The following STAMBP variants were observed in gnomAD, a reference collection of about 807,000 sequenced individuals.
STAMBP encodes the protein STAM-binding protein.
STAMBP carries 31 observed loss-of-function variants against 50.7 expected under a neutral mutation model. The ratio of observed to expected loss-of-function variants is 0.61; its 90% CI spans 0.46 to 0.83. The LOEUF is 0.83. Ranked by LOEUF, STAMBP falls within the 40% of genes least tolerant of loss-of-function variation. The pLI is 0.00. For missense variants in STAMBP, 472 were observed against 518.9 expected (o/e 0.91, Z 0.88); for synonymous variants, 211 against 192.4 (o/e 1.10, Z -0.80).
intron 7 of STAMBP, among the ~76,000 whole-genome samples, chr2:73,856,471 A>G (rs1162788062): frequency 6.6e-6 from 1 of 152,242 alleles, no homozygotes; most frequent in Non-Finnish European, 1.5e-5. Context: ...ATAAGTCTTG[A>G]TGGTCAGTTA....
At chr2:73,832,619 C>T (rs1250772014) in intron 2 of STAMBP, among the ~76,000 whole-genome samples, 1 of 152,180 alleles carries the variant, frequency 6.6e-6, no homozygotes, top group Non-Finnish European at 1.5e-5. Flanking sequence ...ATCACATACT[C>T]CTCTAAAGCA....
At chr2:73,861,686 A>T (rs1178254702) in intron 9 of STAMBP, among the ~76,000 whole-genome samples, 9 of 126,666 alleles carry the variant, frequency 7.1e-5, no homozygotes, top group East Asian at 4.4e-4. Flanking sequence ...ACCGGGTTAA[A>T]TTTTTTTTTT....
chr2:73,860,272 A>G, intron 9 of STAMBP, 121 bp downstream of exon 9: 1 of 770,986 alleles, frequency 1.3e-6, no homozygotes, highest in Non-Finnish European at 2.1e-6. Flanking sequence ...TTACCTTGCC[A>G]GATCTCCATA....
At chr2:73,840,633 A>G (rs1675274537) in intron 2 of STAMBP, among the ~76,000 whole-genome samples, 1 of 151,600 alleles carries the variant, frequency 6.6e-6, no homozygotes. Flanking sequence ...AATCGCAGCT[A>G]CTCGGGAGGC....
At chr2:73,868,866 G>A (rs1368440852), downstream of STAMBP, among the ~76,000 whole-genome samples, 1 of 151,610 alleles carries the variant, frequency 6.6e-6, no homozygotes, top group African/African-American at 2.4e-5. Flanking sequence ...GGGTGAGAGA[G>A]GCCTTGACTC....
chr2:73,838,785 T>C (rs1039915447), intron 2 of STAMBP, among the ~76,000 whole-genome samples: 1 of 152,150 alleles, frequency 6.6e-6, no homozygotes, highest in East Asian at 1.9e-4. Context: ...TTTACTTGAT[T>C]TGTGGGATTT....
At chr2:73,855,624 A>G (rs1287428114) in intron 7 of STAMBP, 1 of 455,992 alleles carries the variant, frequency 2.2e-6, no homozygotes, top group Non-Finnish European at 4.4e-6. Flanking sequence ...CTCATCAGGT[A>G]GAAACTTTGT....
intron 9 of STAMBP, among the ~76,000 whole-genome samples, chr2:73,860,823 G>T (rs1239054933): frequency 6.6e-6 from 1 of 152,170 alleles, no homozygotes; most frequent in Non-Finnish European, 1.5e-5. Context: ...ATGGAAAAGG[G>T]ACTAAGAACC....
intron 2 of STAMBP, among the ~76,000 whole-genome samples, chr2:73,841,602 C>G (rs1368985797): frequency 2.0e-5 from 3 of 152,136 alleles, no homozygotes; most frequent in African/African-American, 7.2e-5. Context: ...AGTTCATTAG[C>G]TAGTTAGTGT....
rs1233784247 is a variant in STAMBP, at chr2:73,863,510, T to C, written c.*1251T>C. 1.3e-5 allele frequency: 2 copies of C among 152,202 alleles called. No individual in the cohort carries two copies. The highest frequency in any genetic ancestry group is 2.4e-5 in the African/African-American group (1 of 41,444). 9.4% of individuals were successfully genotyped at this position (152,202 alleles called of 1,614,324 possible). A position where few individuals can be genotyped will look rare whatever the true frequency, so the allele number is the denominator to read the frequency against. On this transcript the variant is annotated 3_prime_UTR_variant, in exon 10 of 10. Coordinates refer to ENST00000394070, the MANE Select transcript of STAMBP (RefSeq NM_213622.4). ...TTTTTAAATTTTGTCTCAGTCTTTA[T>C]TGCTTAGGTTAGTGGTCCTTGAACT...
chr2:73,835,566 A>G (rs1240067490), intron 2 of STAMBP, among the ~76,000 whole-genome samples: 1 of 152,114 alleles, frequency 6.6e-6, no homozygotes, highest in African/African-American at 2.4e-5. Flanking sequence ...TAGTTAGGAA[A>G]TTCTTGCAGG....
chr2:73,858,596 T>C (rs139192358), intron 7 of STAMBP, among the ~76,000 whole-genome samples: 1 of 152,332 alleles, frequency 6.6e-6, no homozygotes, highest in East Asian at 1.9e-4. Context: ...TCTACTCTCT[T>C]AAGCAGTTTT....
At chr2:73,840,037 C>T (rs1402234785) in intron 2 of STAMBP, among the ~76,000 whole-genome samples, 2 of 152,138 alleles carry the variant, frequency 1.3e-5, no homozygotes, top group Admixed American at 1.3e-4. Context: ...TCAACCATTC[C>T]CCTATCCCTT....
chr2:73,854,357 G>C (rs761238661), intron 7 of STAMBP, among the ~76,000 whole-genome samples: 10 of 152,342 alleles, frequency 6.6e-5, no homozygotes, highest in Admixed American at 2.6e-4. Context: ...AATCATTACT[G>C]TACAGACTTC....
Position 73,866,851 on chromosome 2 carries a change from T to C in STAMBP, c.*4592T>C, listed in dbSNP as rs1304038932. On this transcript the variant is annotated 3_prime_UTR_variant, in exon 10 of 10. Coordinates refer to ENST00000394070, the MANE Select transcript of STAMBP (RefSeq NM_213622.4). Reference sequence around the variant, plus strand: ...AACAGTTTAAAGGAGGGGAGGGAGATCAGTGGTGCCAACTGGCTCAGAAGA... The same window carrying C: ...AACAGTTTAAAGGAGGGGAGGGAGACCAGTGGTGCCAACTGGCTCAGAAGA... The C allele has an allele frequency of 6.6e-6, 1 of 152,108 alleles. No homozygotes were observed. The highest frequency in any genetic ancestry group is 1.5e-5 in the Non-Finnish European group (1 of 68,036). 9.4% of individuals were successfully genotyped at this position (152,108 alleles called of 1,614,324 possible). A position where few individuals can be genotyped will look rare whatever the true frequency, so the allele number is the denominator to read the frequency against.
rs1678677644 is a variant in STAMBP, at chr2:73,864,440, A to G, written c.*2181A>G. 1 of 152,250 alleles carries G rather than the reference A, an allele frequency of 6.6e-6. No individual in the cohort carries two copies. Among genetic ancestry groups the G allele is most frequent in the Non-Finnish European group, 1.5e-5 (1 of 68,082 alleles). The allele number at this position is 152,250 out of a possible 1,614,324, so 9.4% of individuals were successfully genotyped here. On this transcript the variant is annotated 3_prime_UTR_variant, in exon 10 of 10. Coordinates refer to ENST00000394070, the MANE Select transcript of STAMBP (RefSeq NM_213622.4). ...CCTAGCCACTGCAGAGGCACTCTGC[A>G]TAGGATGGTCTAAGTGTCTCTGTCT...
downstream of STAMBP, among the ~76,000 whole-genome samples, chr2:73,869,402 A>G (rs951729173): frequency 5.9e-5 from 9 of 152,238 alleles, no homozygotes; most frequent in African/African-American, 1.9e-4. Context: ...CAGGCACACT[A>G]TCGGTATTCT....
At chr2:73,830,494 G>C (rs1329993668) in intron 1 of STAMBP, among the ~76,000 whole-genome samples, 1 of 152,236 alleles carries the variant, frequency 6.6e-6, no homozygotes, top group Non-Finnish European at 1.5e-5. Context: ...GAAAATAAAA[G>C]ATGCTGTTCC....
intron 5 of STAMBP, 112 bp downstream of exon 5, chr2:73,847,865 C>T: frequency 7.4e-7 from 1 of 1,360,116 alleles, no homozygotes; most frequent in Non-Finnish European, 1.0e-6. Context: ...GCTTTGGTCA[C>T]AGAAACCCAT....
Sources: gnomAD v4.1 joint callset for allele counts (sites outside exome capture counted in the v4.1 genomes callset) on GRCh38, gnomAD v4.1.1 for gene constraint, MANE v1.5 for transcripts, NCBI Gene and HGNC (gene_info 2026-07-23, HGNC 2026-07-21) for gene names.